Variants in AGTPBP1 observed in about 807,000 individuals in gnomAD.
AGTPBP1 encodes the protein cytosolic carboxypeptidase 1.
A neutral mutation model predicts 143.9 loss-of-function variants in AGTPBP1; 70 were observed. That is an observed-to-expected ratio of 0.49 (90% CI 0.40 to 0.59). The LOEUF (loss-of-function observed/expected upper bound fraction) is 0.59, where lower values mean the gene tolerates loss of function less well. Ranked by LOEUF, AGTPBP1 falls within the 20% of genes least tolerant of loss-of-function variation. AGTPBP1 has a pLI of 0.00. For synonymous variants in AGTPBP1, 463 were observed against 500.2 expected, an observed-to-expected ratio of 0.93 and a Z score of 0.99; for missense variants, 1,229 against 1,464.5, an observed-to-expected ratio of 0.84 and a Z score of 2.62.
chr9:85,610,092 G>C (rs1045879648), intron 17 of AGTPBP1, among the ~76,000 whole-genome samples: 1 of 152,232 alleles, frequency 6.6e-6, no homozygotes, highest in Non-Finnish European at 1.5e-5. Flanking sequence ...GCAAAGCGGT[G>C]AGAATGCTAC....
chr9:85,612,099 T>C (rs974020483), intron 17 of AGTPBP1, among the ~76,000 whole-genome samples: 2 of 152,194 alleles, frequency 1.3e-5, no homozygotes, highest in Admixed American at 6.5e-5. Context: ...GAAACATCTT[T>C]TGTTCTAATA....
chr9:85,549,413 A>G (rs1266935249), intron 25 of AGTPBP1, among the ~76,000 whole-genome samples: 1 of 152,172 alleles, frequency 6.6e-6, no homozygotes, highest in Admixed American at 6.5e-5. Context: ...GGACAGCGGA[A>G]TTCCAGCCCA....
chr9:85,756,461 A>G, the AGTPBP1 span, among the ~76,000 whole-genome samples: 2 of 114,688 alleles, frequency 1.7e-5, no homozygotes, highest in African/African-American at 6.8e-5. Context: ...TAGAGATACT[A>G]TGTGACCCAG....
upstream of AGTPBP1, chr9:85,742,079 A>C (rs771283870): frequency 3.7e-6 from 4 of 1,091,824 alleles, no homozygotes; most frequent in African/African-American, 1.7e-5. Context: ...GGCGGAGCGC[A>C]CGCCCTCTTC....
intron 13 of AGTPBP1, 49 bp from the exon 14 acceptor site, chr9:85,633,423 A>G (rs1191927107): frequency 7.3e-7 from 1 of 1,369,638 alleles, no homozygotes. Context: ...ATATTAAAAC[A>G]TATTAACAAA....
In AGTPBP1 at chr9:85,633,728, G is replaced by A. The variant is rs140456469; in HGVS notation, c.1303-354C>T. Among the ~76,000 whole-genome samples, 553 of 152,154 alleles carry A rather than the reference G, an allele frequency of 3.6e-3. 1 individual carries two copies. The highest frequency in any genetic ancestry group is 6.1e-3 in the Non-Finnish European group (412 of 68,008). On this transcript the variant is annotated intron_variant, in intron 13 of 25. Transcript: ENST00000357081. ...AATATTTATGAAGTGTCTATTTTGT[G>A]CCAAGCTTTGTCTCAAGCACTTAAG...
the AGTPBP1 span, among the ~76,000 whole-genome samples, chr9:85,751,105 C>A: frequency 6.6e-6 from 1 of 152,184 alleles, no homozygotes; most frequent in South Asian, 2.1e-4. Flanking sequence ...AGTTTAGGAG[C>A]CCGTCTCTCC....
intron 11 of AGTPBP1, among the ~76,000 whole-genome samples, chr9:85,652,384 C>T (rs1833220471): frequency 6.6e-6 from 1 of 152,050 alleles, no homozygotes; most frequent in Non-Finnish European, 1.5e-5. Context: ...TGGTGGTGCA[C>T]ACCTGTAGTC....
intron 1 of AGTPBP1, chr9:85,741,291 G>A: frequency 1.0e-6 from 1 of 985,382 alleles, no homozygotes; most frequent in African/African-American, 1.7e-5. Context: ...CGCTCAGTCG[G>A]GAACGCTAGA....
intron 17 of AGTPBP1, among the ~76,000 whole-genome samples, chr9:85,600,645 C>G (rs1829605318): frequency 6.6e-6 from 1 of 152,064 alleles, no homozygotes. Context: ...CCAATCCTAG[C>G]CAGGGGGGAG....
At chr9:85,695,874 C>T (rs148543848) in intron 2 of AGTPBP1, among the ~76,000 whole-genome samples, 2 of 151,350 alleles carry the variant, frequency 1.3e-5, no homozygotes, top group East Asian at 1.9e-4. Context: ...CAGAGTCTCG[C>T]GCTGTTGCCC....
chr9:85,791,474 T>C, the AGTPBP1 span: 4 of 152,164 alleles, frequency 2.6e-5, no homozygotes, highest in African/African-American at 9.7e-5. Flanking sequence ...ATCATAGGCA[T>C]GTACTTACTT....
rs568457532 is a variant in AGTPBP1 at position 85,586,599 on chromosome 9, T to C, written c.3033+232A>G. Among the ~76,000 whole-genome samples, 7 of 152,288 alleles carry C rather than the reference T, an allele frequency of 4.6e-5. No individual in the cohort carries two copies. The East Asian group carries it at 1.2e-3, about 25-fold the overall frequency. On this transcript the variant is annotated intron_variant, in intron 22 of 25. Coordinates refer to ENST00000357081, the MANE Select transcript of AGTPBP1 (RefSeq NM_001330701.2). ...GATACATATTGTTACCTTAGTATTG[T>C]TCAAACAGTGAAGTTAAATATCTAA...
chr9:85,770,536 A>G, the AGTPBP1 span: 10 of 965,498 alleles, frequency 1.0e-5, no homozygotes, highest in Admixed American at 1.3e-4. Flanking sequence ...AGATGGGTCA[A>G]GATGCATACA....
chr9:85,641,020 C>T (rs542024881), intron 13 of AGTPBP1, among the ~76,000 whole-genome samples: 2 of 152,272 alleles, frequency 1.3e-5, no homozygotes, highest in Admixed American at 6.5e-5. Context: ...GTCCATCCCA[C>T]CCAGGACATG....
the AGTPBP1 span, among the ~76,000 whole-genome samples, chr9:85,788,528 T>C: frequency 6.7e-6 from 1 of 150,002 alleles, no homozygotes; most frequent in African/African-American, 2.4e-5. Context: ...CACATGATCT[T>C]ACAAGGAACT....
intron 1 of AGTPBP1, among the ~76,000 whole-genome samples, chr9:85,729,817 A>G (rs1564191494): frequency 6.6e-6 from 1 of 152,210 alleles, no homozygotes; most frequent in Non-Finnish European, 1.5e-5. Flanking sequence ...GGAATTCAAG[A>G]CCACAGTGAA....
intron 18 of AGTPBP1, among the ~76,000 whole-genome samples, chr9:85,593,977 A>G (rs1018940333): frequency 3.3e-5 from 5 of 152,216 alleles, no homozygotes; most frequent in African/African-American, 1.2e-4. Flanking sequence ...ATAAATGTTC[A>G]AAGTATTTTC....
At position 85,736,458 on chromosome 9, in the gene AGTPBP1, G is replaced by A. The variant is rs536669920; in HGVS notation, c.-34+5317C>T. Among the ~76,000 whole-genome samples, 12 of 152,212 alleles carry A rather than the reference G, an allele frequency of 7.9e-5. No homozygotes were observed. In the South Asian group the frequency reaches 2.5e-3, roughly 32 times the overall value. On this transcript the variant is annotated intron_variant, in intron 1 of 25. Transcript: ENST00000357081. ...TTGATATCCTCCTGGCTATTCGAAA[G>A]TATATATTATCAATTACAGTCATCC...
Sources: gnomAD v4.1 joint callset for allele counts (sites outside exome capture counted in the v4.1 genomes callset) on GRCh38, gnomAD v4.1.1 for gene constraint, MANE v1.5 for transcripts, NCBI Gene and HGNC (gene_info 2026-07-23, HGNC 2026-07-21) for gene names.